HGF: variants seen among roughly 807,000 people sequenced by gnomAD.
HGF encodes fibroblast-derived tumor cytotoxic factor.
In HGF, 39 loss-of-function variants were observed where a neutral mutation model predicts 111.6. The observed-to-expected ratio is 0.35, with a 90% CI of 0.27 to 0.46. HGF has a LOEUF of 0.46. Ranked by LOEUF, HGF falls within the 20% of genes least tolerant of loss-of-function variation. The pLI, the probability that HGF is intolerant of heterozygous loss-of-function variation, is 1.00. For missense variants in HGF, 735 were observed against 910.5 expected (o/e 0.81, Z 2.48); for synonymous variants, 285 against 294.8 (o/e 0.97, Z 0.34).
At chr7:81,710,739 C>T (rs568550359) in intron 12 of HGF, among the ~76,000 whole-genome samples, 2 of 152,182 alleles carry the variant, frequency 1.3e-5, no homozygotes, top group African/African-American at 4.8e-5. Flanking sequence ...GAAATCATAT[C>T]CAAATGATAT....
Position 81,702,364 on chromosome 7 carries a change from C to T in HGF, c.*217G>A. The T allele has an allele frequency of 1.9e-6, 1 of 513,114 alleles. No homozygotes were observed. The highest frequency in any genetic ancestry group is 3.5e-6 in the Non-Finnish European group (1 of 284,640). The allele number at this position is 513,114 out of a possible 1,614,324, so 31.8% of individuals were successfully genotyped here. A position where few individuals can be genotyped will look rare whatever the true frequency, so the allele number is the denominator to read the frequency against. On this transcript the variant is annotated 3_prime_UTR_variant, in exon 18 of 18. Transcript: ENST00000222390. ...TATCTTCAGGAGATATGTTATTACA[C>T]TTGCATGTACCTTAATTCACTTCAA...
At chr7:81,769,855 T>C (rs1384341622) in intron 1 of HGF, 29 bp downstream of exon 1, 11 of 1,482,864 alleles carry the variant, frequency 7.4e-6, no homozygotes, top group Non-Finnish European at 9.2e-6. Flanking sequence ...ATACTAATAC[T>C]AATAATGAAG....
intron 7 of HGF, among the ~76,000 whole-genome samples, chr7:81,731,784 C>A (rs949737054): frequency 6.6e-6 from 1 of 152,082 alleles, no homozygotes; most frequent in African/African-American, 2.4e-5. Flanking sequence ...AGTTATAAAA[C>A]TGATGGGAAA....
chr7:81,704,963 T>C (rs1386840359), intron 17 of HGF, among the ~76,000 whole-genome samples: 1 of 151,796 alleles, frequency 6.6e-6, no homozygotes, highest in Non-Finnish European at 1.5e-5. Flanking sequence ...AGGGAACAGC[T>C]TACCCAAAAA....
intron 11 of HGF, 93 bp from the exon 12 acceptor site, chr7:81,711,612 G>T: frequency 1.7e-6 from 1 of 576,710 alleles, no homozygotes; most frequent in Non-Finnish European, 3.1e-6. Context: ...AAGTATCAAT[G>T]AATTCAGTAA....
chr7:81,706,372 C>T lies in HGF; in HGVS notation c.1672G>A (p.Asp558Asn), dbSNP rs370757602. ...TTGAGAACCTGTTTGCATTTCTCATCTCCTCTTCCGTGGACATCATGAATT... is the reference window on the plus strand; with the variant it reads ...TTGAGAACCTGTTTGCATTTCTCATTTCCTCTTCCGTGGACATCATGAATT... ...LGIHDVHGRGDEKCKQVLNVS... is the reference protein window; with the variant it reads ...LGIHDVHGRGNEKCKQVLNVS... The change falls in exon 15 of 18, where the codon GAT (aspartate) becomes AAT (asparagine). Residue 558 changes from aspartate to asparagine, a missense_variant. Asp to Asn is a conservative substitution (Grantham distance 23). Transcript: ENST00000222390. 2.5e-6 allele frequency: 4 copies of T among 1,611,264 alleles called. No individual in the cohort carries two copies. The highest frequency in any genetic ancestry group is 3.4e-6 in the Non-Finnish European group (4 of 1,177,810).
intron 7 of HGF, chr7:81,742,721 C>A: frequency 2.8e-6 from 4 of 1,418,484 alleles, no homozygotes; most frequent in South Asian, 3.1e-5. Flanking sequence ...ATTGTAAATT[C>A]AGAAAAGCTA....
rs1292564644 is a variant in HGF at position 81,700,953 on chromosome 7, C to A, written c.*1628G>T. ...TTGGGGACTTGGCCTTGATAAAAAT[C>A]ACTCAAGAAAACTAAGTCAGAGAAA... On this transcript the variant is annotated 3_prime_UTR_variant, in exon 18 of 18. Transcript: ENST00000222390. 6.6e-6 allele frequency: 1 copy of A among 151,566 alleles called. No homozygotes were observed. The highest frequency in any genetic ancestry group is 2.4e-5 in the African/African-American group (1 of 41,376). 9.4% of individuals were successfully genotyped at this position (151,566 alleles called of 1,614,324 possible).
intron 10 of HGF, among the ~76,000 whole-genome samples, chr7:81,719,827 G>A (rs945173248): frequency 6.6e-6 from 1 of 152,072 alleles, no homozygotes; most frequent in African/African-American, 2.4e-5. Flanking sequence ...GGAACTTAAA[G>A]TTAAAAGACT....
chr7:81,752,928 G>A (rs1788575548), intron 4 of HGF, among the ~76,000 whole-genome samples: 1 of 151,970 alleles, frequency 6.6e-6, no homozygotes, highest in African/African-American at 2.4e-5. Context: ...GAAGCTCCAA[G>A]GGATAATAGA....
rs571028390 is a variant in HGF, at chr7:81,762,718, T to C, written c.243A>G (p.Pro81=). 21 of 1,612,494 alleles carry C rather than the reference T, an allele frequency of 1.3e-5. No homozygotes were observed. In the South Asian group the frequency reaches 2.0e-4, roughly 15 times the overall value. The part of the protein sequence containing the change: ...ANRCTRNKGL[P]FTCKAFVFDK... ...ATGAAGTAACTTACTTGCAAGTGAATGGAAGTCCTTTATTCCTAGTACATC... is the reference window on the plus strand; with the variant it reads ...ATGAAGTAACTTACTTGCAAGTGAACGGAAGTCCTTTATTCCTAGTACATC... The change falls in exon 2 of 18, where the codon CCA becomes CCG. Residue 81 remains proline (P), a synonymous_variant. Transcript: ENST00000222390.
At position 81,705,472 on chromosome 7, in the gene HGF, C is replaced by G. The variant is rs1196107225; in HGVS notation, c.1928G>C (p.Ser643Thr). 2 of 1,612,618 alleles carry G rather than the reference C, an allele frequency of 1.2e-6. No homozygotes were observed. Among genetic ancestry groups the G allele is most frequent in the Admixed American group, 1.7e-5 (1 of 59,816 alleles). ...HLYIMGNEKC[S>T]QHHRGKVTLN... Reference sequence around the variant, plus strand: ...AGTCACCTTCCCTCGATGATGCTGGCTGCATTTCTCATTTCCCATTATATA... The same window carrying G: ...AGTCACCTTCCCTCGATGATGCTGGGTGCATTTCTCATTTCCCATTATATA... The change falls in exon 17 of 18, where the codon AGC becomes ACC. Residue 643 changes from serine (S) to threonine (T), a missense_variant. Coordinates refer to ENST00000222390, the MANE Select transcript of HGF (RefSeq NM_000601.6).
At chr7:81,753,212 G>A (rs1788589602) in intron 4 of HGF, among the ~76,000 whole-genome samples, 1 of 152,010 alleles carries the variant, frequency 6.6e-6, no homozygotes, top group South Asian at 2.1e-4. Context: ...AAAAGGCCAA[G>A]TCTTTTTTAT....
intron 7 of HGF, among the ~76,000 whole-genome samples, chr7:81,736,520 A>G (rs1787830977): frequency 6.6e-6 from 1 of 152,090 alleles, no homozygotes; most frequent in South Asian, 2.1e-4. Context: ...TTATAAATTA[A>G]ACTTTATCAT....
At chr7:81,740,303 C>A (rs182775640) in intron 7 of HGF, among the ~76,000 whole-genome samples, 1 of 152,124 alleles carries the variant, frequency 6.6e-6, no homozygotes, top group Admixed American at 6.5e-5. Context: ...TAAGAGAAAA[C>A]CAGAAAACTG....
intron 7 of HGF, among the ~76,000 whole-genome samples, chr7:81,738,957 G>A (rs1464845977): frequency 6.6e-6 from 1 of 152,066 alleles, no homozygotes; most frequent in African/African-American, 2.4e-5. Context: ...GATGCCCAAG[G>A]CTTTTGCTAT....
rs10257185 is a variant in HGF at position 81,754,513 on chromosome 7, T to C, written c.483-2251A>G. Among the ~76,000 whole-genome samples the C allele has an allele frequency of 5.7e-3, 866 of 151,978 alleles. 10 individuals are homozygous for C. Among genetic ancestry groups the C allele is most frequent in the African/African-American group, 0.02 (826 of 41,486 alleles). ...ACAGGTAGAAAGGAAGAGAGAATAA[T>C]GTAGAAATCAAAAGTAGATATGGCC... On this transcript the variant is annotated intron_variant, in intron 4 of 17. Transcript: ENST00000222390.
At chr7:81,726,767 T>C (rs1435956686) in intron 8 of HGF, among the ~76,000 whole-genome samples, 1 of 151,998 alleles carries the variant, frequency 6.6e-6, no homozygotes, top group East Asian at 1.9e-4. Flanking sequence ...AAAAAATCTA[T>C]GCTAATATTC....
rs1486090533 is a variant in HGF, at chr7:81,745,088, G to A, written c.658C>T (p.Arg220Ter). ...GATTCTGTATGATCCATGAGACCTC[G>A]ATAACTCTCCCCATTGCAGGTCATG... ...ECMTCNGESY[R>*]GLMDHTESGK... is the part of the protein sequence containing the mutation. Residue 220 changes from arginine (R) to a stop codon, truncating the protein, a stop_gained, in exon 6 of 18, where the codon CGA becomes TGA. Coordinates refer to ENST00000222390, the MANE Select transcript of HGF (RefSeq NM_000601.6). LOFTEE classifies it high-confidence loss of function. 1.2e-6 allele frequency: 2 copies of A among 1,613,662 alleles called. No homozygotes were observed. Among genetic ancestry groups the A allele is most frequent in the South Asian group, 1.1e-5 (1 of 91,066 alleles).
Sources: allele counts gnomAD v4.1 joint callset (sites outside exome capture counted in the v4.1 genomes callset), GRCh38; gene constraint gnomAD v4.1.1; transcripts MANE v1.5; gene names NCBI Gene and HGNC (gene_info 2026-07-23, HGNC 2026-07-21).